Variants in AP4E1 observed in about 807,000 individuals in gnomAD.
AP4E1 encodes the protein adaptor related protein complex 4 subunit epsilon 1, also known as AP-4 complex subunit epsilon-1.
Under a neutral mutation model 128.2 loss-of-function variants are expected in AP4E1, and 56 were observed. The observed-to-expected ratio is 0.44, with a 90% confidence interval of 0.35 to 0.55. The LOEUF (loss-of-function observed/expected upper bound fraction) is 0.55. Among genes scored for constraint, AP4E1 ranks in the 20% least tolerant of loss-of-function variants. AP4E1 has a pLI of 0.00. For missense variants in AP4E1, 1,324 were observed against 1,307.7 expected, an observed-to-expected ratio of 1.01 and a Z score of -0.19; for synonymous variants, 484 against 473.1, an observed-to-expected ratio of 1.02 and a Z score of -0.30.
intron 13 of AP4E1, among the ~76,000 whole-genome samples, chr15:50,952,392 C>G (rs1039891273): frequency 5.3e-5 from 8 of 151,900 alleles, no homozygotes; most frequent in Admixed American, 1.3e-4. Context: ...CACCTGTAGT[C>G]CCAGCTACTC....
chr15:50,929,079 C>A lies in AP4E1; in HGVS notation c.613C>A (p.His205Asn), dbSNP rs148499164. ...FHLIAPNQVQ[H>N]IHIKFRKALC... is the part of the protein sequence containing the mutation. Reference sequence around the variant, plus strand: ...TCTCATTGCTCCTAATCAAGTACAACATATTCATATTAAGTTTCGGAAAGC... The same window carrying A: ...TCTCATTGCTCCTAATCAAGTACAAAATATTCATATTAAGTTTCGGAAAGC... The change falls in exon 6 of 21, where the codon CAT (histidine) becomes AAT (asparagine). Residue 205 changes from histidine (H) to asparagine (N), a missense_variant. By Grantham distance (68) the His-to-Asn change is moderately conservative. Coordinates refer to ENST00000261842, the MANE Select transcript of AP4E1 (RefSeq NM_007347.5). 1,154 of 1,613,778 alleles carry A rather than the reference C, an allele frequency of 7.2e-4. 1 individual carries two copies. The highest frequency in any genetic ancestry group is 9.1e-4 in the Non-Finnish European group (1,075 of 1,179,830).
intron 10 of AP4E1, chr15:50,945,905 G>A (rs183206961): frequency 2.0e-5 from 24 of 1,176,776 alleles, no homozygotes; most frequent in Middle Eastern, 3.9e-4. Flanking sequence ...GAAGCTCGTC[G>A]AAGAAAGGAA....
In AP4E1 at chr15:50,987,752, A is replaced by C. The variant is rs556407099; in HGVS notation, c.2090+3607A>C. 4.6e-5 allele frequency among the ~76,000 whole-genome samples: 7 copies of C among 152,266 alleles called. No homozygotes were observed. In the East Asian group the frequency reaches 1.3e-3, roughly 29 times the overall value. On this transcript the variant is annotated intron_variant, in intron 16 of 20. Transcript: ENST00000261842. ...TTTCACATAATTTTCAAAGGGAGAG[A>C]CACACTTGTGACAATGTGTTTTAAT...
chr15:50,929,003 C>T lies in AP4E1; in HGVS notation c.543-6C>T, dbSNP rs1270448448. The stretch of plus-strand genomic sequence containing the variant: ...GTCTTGTTTAAATTTCATTTTTTGT[C>T]TTCAGGGAGATTGTACGAAGAAAAG... On this transcript the variant is annotated splice_polypyrimidine_tract_variant and splice_region_variant and intron_variant, in intron 5 of 20. Coordinates refer to ENST00000261842, the MANE Select transcript of AP4E1 (RefSeq NM_007347.5). 2 of 1,613,162 alleles carry T rather than the reference C, an allele frequency of 1.2e-6. No homozygotes were observed. Among genetic ancestry groups the T allele is most frequent in the East Asian group, 2.2e-5 (1 of 44,800 alleles).
rs1457507624 is a variant in AP4E1 at position 50,997,827 on chromosome 15, A to T, written c.2848A>T (p.Ser950Cys). Residue 950 changes from serine (S) to cysteine (C), a missense_variant, in exon 18 of 21, where the codon AGT becomes TGT. Ser to Cys is a moderately radical substitution (Grantham distance 112). Transcript: ENST00000261842. The part of the protein sequence containing the change: ...LLMVWSVTNK[S>C]GLELKSADLE... ...GATGGTCTGGTCAGTCACTAATAAG[A>T]GTGGTTTGGAATTGAAAAGTGCTGA... The T allele has an allele frequency of 1.0e-5, 16 of 1,600,812 alleles. 1 individual carries two copies. The highest frequency in any genetic ancestry group is 1.2e-5 in the Non-Finnish European group (14 of 1,171,938).
At chr15:50,939,206 C>T (rs1463198183) in intron 8 of AP4E1, among the ~76,000 whole-genome samples, 1 of 152,106 alleles carries the variant, frequency 6.6e-6, no homozygotes, top group Non-Finnish European at 1.5e-5. Context: ...GGCAAGGTGG[C>T]TCATGCCTGT....
chr15:50,920,646 C>G (rs1025458026), intron 3 of AP4E1, among the ~76,000 whole-genome samples: 4 of 152,196 alleles, frequency 2.6e-5, no homozygotes, highest in Admixed American at 2.0e-4. Flanking sequence ...GATCCACCCG[C>G]CTTGGCCTCC....
At position 50,996,155 on chromosome 15, in the gene AP4E1, A is replaced by ATT. The variant is rs34048744; in HGVS notation, c.2347-1151_2347-1150dup. Among the ~76,000 whole-genome samples, 498 of 113,396 alleles carry ATT rather than the reference A, an allele frequency of 4.4e-3. 2 individuals carry two copies. The highest frequency in any genetic ancestry group is 6.9e-3 in the Non-Finnish European group (388 of 55,858). 74.4% of individuals were successfully genotyped at this position (113,396 alleles called of 152,430 possible). A position where few individuals can be genotyped will look rare whatever the true frequency, so the allele number is the denominator to read the frequency against. On this transcript the variant is annotated intron_variant, in intron 17 of 20. Transcript: ENST00000261842. Reference sequence around the variant, plus strand: ...AGGCATGCGCTACCACGCCTGGCTAATTTTTTTTTTTTTTTTTTTTTCAGT... The same window carrying ATT: ...AGGCATGCGCTACCACGCCTGGCTAATTTTTTTTTTTTTTTTTTTTTTTCAGT...
rs1404118062 is a variant in AP4E1, at chr15:50,934,667, A to C, written c.913A>C (p.Arg305=). The C allele has an allele frequency of 1.2e-6, 2 of 1,608,650 alleles. No individual in the cohort carries two copies. Among genetic ancestry groups the C allele is most frequent in the African/African-American group, 2.7e-5 (2 of 74,772 alleles). ...TGATGTTCTTGATGAATCCTTACGAAGAGCTGAGTTAAATCACAATGTCAC... is the reference window on the plus strand; with the variant it reads ...TGATGTTCTTGATGAATCCTTACGACGAGCTGAGTTAAATCACAATGTCAC... ...MYDVLDESLR[R]AELNHNVTYA... Residue 305 remains arginine, a synonymous_variant, in exon 8 of 21, where the codon AGA becomes CGA. Coordinates refer to ENST00000261842, the MANE Select transcript of AP4E1 (RefSeq NM_007347.5).
chr15:50,987,928 T>C (rs1567258710), intron 16 of AP4E1, among the ~76,000 whole-genome samples: 1 of 152,198 alleles, frequency 6.6e-6, no homozygotes, highest in Non-Finnish European at 1.5e-5. Context: ...GTACAAGCTT[T>C]ATACGTAGTA....
chr15:50,934,855 A>G (rs2063886273), intron 8 of AP4E1, among the ~76,000 whole-genome samples, 158 bp downstream of exon 8: 2 of 152,108 alleles, frequency 1.3e-5, no homozygotes, highest in Non-Finnish European at 2.9e-5. Context: ...GCATTTAATT[A>G]CTGATAGATA....
chr15:50,913,966 G>A (rs575500607), intron 2 of AP4E1, among the ~76,000 whole-genome samples: 1 of 152,066 alleles, frequency 6.6e-6, no homozygotes, highest in African/African-American at 2.4e-5. Flanking sequence ...TACAGGCGCA[G>A]GTCCCCACGC....
Position 50,958,578 on chromosome 15 carries a change from T to C in AP4E1, c.1635T>C (p.Ser545=). 6.2e-7 allele frequency: 1 copy of C among 1,614,118 alleles called. No individual in the cohort carries two copies. Residue 545 remains serine (S), a synonymous_variant, in exon 14 of 21, where the codon TCT becomes TCC. Coordinates refer to ENST00000261842, the MANE Select transcript of AP4E1 (RefSeq NM_007347.5). ...AKLYKLLMND[S]VSSETKAWLI... ...TCTACAAGTTACTTATGAATGACTCTGTGTCTTCAGAAACAAAAGCCTGGT... is the reference window on the plus strand; with the variant it reads ...TCTACAAGTTACTTATGAATGACTCCGTGTCTTCAGAAACAAAAGCCTGGT...
chr15:50,948,985 A>AG (rs1376098703), intron 11 of AP4E1, among the ~76,000 whole-genome samples: 4 of 152,022 alleles, frequency 2.6e-5, no homozygotes, highest in Non-Finnish European at 5.9e-5. Context: ...AAAAAAAAAA[A>AG]AAAGTTACTG....
At chr15:50,907,999 G>C (rs1274080189), upstream of AP4E1, among the ~76,000 whole-genome samples, 1 of 152,212 alleles carries the variant, frequency 6.6e-6, no homozygotes, top group Non-Finnish European at 1.5e-5. Flanking sequence ...ATCCTTGCCC[G>C]CCGGGCCAGG....
At chr15:50,921,110 C>T (rs1476736583) in intron 3 of AP4E1, among the ~76,000 whole-genome samples, 2 of 56,070 alleles carry the variant, frequency 3.6e-5, no homozygotes, top group African/African-American at 1.2e-4. Context: ...GCCAGAATGC[C>T]TTATTATTTT....
intron 3 of AP4E1, among the ~76,000 whole-genome samples, chr15:50,917,271 A>G (rs1337532883): frequency 6.6e-6 from 1 of 152,240 alleles, no homozygotes; most frequent in African/African-American, 2.4e-5. Flanking sequence ...ATGTGAATAC[A>G]TTTGGAAATG....
chr15:50,935,941 A>C, intron 8 of AP4E1, among the ~76,000 whole-genome samples: 1 of 152,210 alleles, frequency 6.6e-6, no homozygotes, highest in East Asian at 1.9e-4. Flanking sequence ...TTAAGGTAAT[A>C]AGGATGCTTT....
intron 14 of AP4E1, among the ~76,000 whole-genome samples, chr15:50,963,886 A>G (rs998735946): frequency 6.6e-6 from 1 of 152,256 alleles, no homozygotes; most frequent in African/African-American, 2.4e-5. Context: ...GTATTAAAAG[A>G]GACTGTCACA....
Sources: gnomAD v4.1 joint callset for allele counts (sites outside exome capture counted in the v4.1 genomes callset) on GRCh38, gnomAD v4.1.1 for gene constraint, MANE v1.5 for transcripts, NCBI Gene and HGNC (gene_info 2026-07-23, HGNC 2026-07-21) for gene names.